The following FOXO3 variants were observed in gnomAD, a reference collection of about 807,000 sequenced individuals.
The protein encoded by FOXO3 is forkhead box O3.
Under a neutral mutation model 41.9 loss-of-function variants are expected in FOXO3, and 4 were observed. That is an observed-to-expected ratio of 0.10 (90% CI 0.05 to 0.22). The LOEUF is 0.22. Among genes scored for constraint, FOXO3 ranks in the 10% least tolerant of loss-of-function variants. The pLI is 1.00. For missense variants in FOXO3, 534 were observed against 906.8 expected (o/e 0.59, Z 5.28); for synonymous variants, 318 against 389.3 (o/e 0.82, Z 2.16).
At chr6:108,597,961 T>C (rs1039761203) in intron 1 of FOXO3, among the ~76,000 whole-genome samples, 5 of 152,210 alleles carry the variant, frequency 3.3e-5, no homozygotes, top group Admixed American at 6.5e-5. Context: ...CTGTTGAAGC[T>C]ATATATATTT....
At position 108,683,429 on chromosome 6, in the gene FOXO3, G is replaced by A. The variant is rs1436030541; in HGVS notation, c.*3637G>A. On this transcript the variant is annotated 3_prime_UTR_variant, in exon 3 of 3. Coordinates refer to ENST00000406360, the MANE Select transcript of FOXO3 (RefSeq NM_001455.4). ...GGAAAAGGCCATGAAGAATAAAGCAGTCAAAAAGAAGTCCTCCATGTTGGT... is the reference window on the plus strand; with the variant it reads ...GGAAAAGGCCATGAAGAATAAAGCAATCAAAAAGAAGTCCTCCATGTTGGT... The A allele has an allele frequency of 6.6e-6, 1 of 152,168 alleles. No homozygotes were observed. The highest frequency in any genetic ancestry group is 1.5e-5 in the Non-Finnish European group (1 of 68,028). The allele number at this position is 152,168 out of a possible 1,614,324, so 9.4% of individuals were successfully genotyped here.
rs140031880 is a variant in FOXO3 at position 108,662,779 on chromosome 6, G to A, written c.622-676G>A. 5.1e-3 allele frequency among the ~76,000 whole-genome samples: 782 copies of A among 152,310 alleles called. 3 individuals carry two copies. The highest frequency in any genetic ancestry group is 0.014 in the Middle Eastern group (4 of 294). ...TGCAAAGTGCAGGGGACAGAGGAGT[G>A]TGGTAGTAAATTCCAAGTGTGAACT... On this transcript the variant is annotated intron_variant, in intron 1 of 2. Coordinates refer to ENST00000406360, the MANE Select transcript of FOXO3 (RefSeq NM_001455.4).
At chr6:108,628,198 G>A (rs117054112) in intron 1 of FOXO3, among the ~76,000 whole-genome samples, 560 of 152,188 alleles carry the variant, frequency 3.7e-3, no homozygotes, top group Non-Finnish European at 6.8e-3. Context: ...AGTTTATTTG[G>A]TTCTCCCTCC....
At chr6:108,627,882 G>A (rs1055264989) in intron 1 of FOXO3, among the ~76,000 whole-genome samples, 5 of 152,088 alleles carry the variant, frequency 3.3e-5, no homozygotes, top group Non-Finnish European at 5.9e-5. Flanking sequence ...TGGTTTGCTG[G>A]TCTGTTAGAG....
intron 1 of FOXO3, among the ~76,000 whole-genome samples, chr6:108,568,952 A>T (rs1776018430): frequency 6.6e-6 from 1 of 152,206 alleles, no homozygotes; most frequent in Non-Finnish European, 1.5e-5. Context: ...AAGGAAATGA[A>T]GTTTGCCATC....
chr6:108,620,594 C>G (rs1348521422), intron 1 of FOXO3, among the ~76,000 whole-genome samples: 1 of 152,138 alleles, frequency 6.6e-6, no homozygotes, highest in Non-Finnish European at 1.5e-5. Context: ...TGAAGCCACG[C>G]TTCTGATTGT....
intron 1 of FOXO3, among the ~76,000 whole-genome samples, chr6:108,584,036 C>T (rs1320074084): frequency 6.6e-6 from 1 of 152,134 alleles, no homozygotes; most frequent in Admixed American, 6.6e-5. Flanking sequence ...ATGTCCAGGG[C>T]TCATGTGACT....
intron 1 of FOXO3, among the ~76,000 whole-genome samples, chr6:108,608,522 G>A (rs755711031): frequency 5.3e-5 from 8 of 152,144 alleles, no homozygotes; most frequent in Non-Finnish European, 1.0e-4. Context: ...CTTTTCTGGT[G>A]CTACTGCAGT....
chr6:108,562,462 C>T (rs539345007), intron 1 of FOXO3, among the ~76,000 whole-genome samples: 3 of 152,224 alleles, frequency 2.0e-5, no homozygotes, highest in South Asian at 4.2e-4. Flanking sequence ...GGAGATGTCG[C>T]TCCAGTAAAC....
At chr6:108,622,260 A>AG (rs1477017938) in intron 1 of FOXO3, among the ~76,000 whole-genome samples, 1 of 147,978 alleles carries the variant, frequency 6.8e-6, no homozygotes, top group Admixed American at 6.7e-5. Flanking sequence ...CTGTCTCAAA[A>AG]AAAAAAAAAA....
At position 108,682,294 on chromosome 6, in the gene FOXO3, C is replaced by T. The variant is rs1396505431; in HGVS notation, c.*2502C>T. On this transcript the variant is annotated 3_prime_UTR_variant, in exon 3 of 3. Transcript: ENST00000406360. ...TCCTAGAACCAGATTATCATTTAAT[C>T]TGAAACAGCTGAGGAAGGGACAGAG... 1 of 152,634 alleles carries T rather than the reference C, an allele frequency of 6.6e-6. No individual in the cohort carries two copies. The highest frequency in any genetic ancestry group is 1.5e-5 in the Non-Finnish European group (1 of 68,046). The allele number at this position is 152,634 out of a possible 1,614,324, so 9.5% of individuals were successfully genotyped here.
intron 1 of FOXO3, among the ~76,000 whole-genome samples, chr6:108,567,621 G>T (rs1322568590): frequency 3.3e-5 from 5 of 152,212 alleles, no homozygotes; most frequent in Admixed American, 3.3e-4. Flanking sequence ...GGAGTAACGG[G>T]TGTGTCCAGT....
At chr6:108,582,550 G>A (rs1003582593) in intron 1 of FOXO3, among the ~76,000 whole-genome samples, 1 of 152,086 alleles carries the variant, frequency 6.6e-6, no homozygotes, top group South Asian at 2.1e-4. Context: ...GTCAGATAAT[G>A]CATTTATTCT....
intron 1 of FOXO3, among the ~76,000 whole-genome samples, chr6:108,574,700 C>T (rs1776213891): frequency 6.6e-6 from 1 of 152,112 alleles, no homozygotes; most frequent in Non-Finnish European, 1.5e-5. Context: ...AGCCTACTTG[C>T]TTTTGTCTTC....
intron 1 of FOXO3, among the ~76,000 whole-genome samples, chr6:108,653,748 A>G (rs1002491232): frequency 2.6e-5 from 4 of 152,180 alleles, no homozygotes; most frequent in African/African-American, 7.2e-5. Context: ...ATTTCCACAC[A>G]CAGTAAGTTT....
At chr6:108,601,529 C>G (rs1343269631) in intron 1 of FOXO3, among the ~76,000 whole-genome samples, 1 of 152,122 alleles carries the variant, frequency 6.6e-6, no homozygotes, top group African/African-American at 2.4e-5. Context: ...GTCTTAAACT[C>G]CCGATCTCAG....
intron 1 of FOXO3, among the ~76,000 whole-genome samples, chr6:108,603,168 A>C (rs1456218718): frequency 2.0e-5 from 3 of 152,044 alleles, no homozygotes; most frequent in African/African-American, 7.2e-5. Flanking sequence ...AGTTTCAGCA[A>C]AAAATGGTTG....
At chr6:108,608,811 G>A (rs1446806931) in intron 1 of FOXO3, among the ~76,000 whole-genome samples, 1 of 152,198 alleles carries the variant, frequency 6.6e-6, no homozygotes, top group Admixed American at 6.5e-5. Context: ...TTCTCAGAGA[G>A]AGGGTAGGGG....
At chr6:108,619,622 G>A (rs778940444) in intron 1 of FOXO3, among the ~76,000 whole-genome samples, 5 of 152,076 alleles carry the variant, frequency 3.3e-5, no homozygotes, top group East Asian at 1.9e-4. Context: ...GTTTATTTGC[G>A]TCTAAGAATA....
Sources: allele counts gnomAD v4.1 joint callset (sites outside exome capture counted in the v4.1 genomes callset), GRCh38; gene constraint gnomAD v4.1.1; transcripts MANE v1.5; gene names NCBI Gene and HGNC (gene_info 2026-07-23, HGNC 2026-07-21).